The following BLTP1 variants were observed in gnomAD, a reference collection of about 807,000 sequenced individuals.
The protein encoded by BLTP1 is bridge-like lipid transfer protein family member 1, also known as fragile site-associated protein.
chr4:122,362,568 C>T, the BLTP1 span: 5 of 169,706 alleles, frequency 2.9e-5, no homozygotes, highest in South Asian at 1.5e-4. Context: ...TTGGATTGGC[C>T]GTAACTTTTA....
the BLTP1 span, among the ~76,000 whole-genome samples, chr4:122,168,477 G>A: frequency 6.6e-6 from 1 of 152,052 alleles, no homozygotes; most frequent in South Asian, 2.1e-4. Context: ...GTATGAAATT[G>A]ATACATATGT....
chr4:122,320,119 C>T, the BLTP1 span, among the ~76,000 whole-genome samples: 1 of 152,062 alleles, frequency 6.6e-6, no homozygotes, highest in African/African-American at 2.4e-5. Flanking sequence ...TTGCATTTCT[C>T]TTAGTTTGGG....
At chr4:122,242,436 A>G in the BLTP1 span, among the ~76,000 whole-genome samples, 1 of 152,164 alleles carries the variant, frequency 6.6e-6, no homozygotes, top group African/African-American at 2.4e-5. Flanking sequence ...ACAGATGTAG[A>G]GAGTAGAATG....
the BLTP1 span, chr4:122,263,748 G>A: frequency 1.3e-5 from 7 of 546,574 alleles, no homozygotes; most frequent in East Asian, 1.8e-4. Context: ...TGATAATATT[G>A]TAATTGAGAG....
At chr4:122,320,787 AC>A in the BLTP1 span, among the ~76,000 whole-genome samples, 2 of 152,058 alleles carry the variant, frequency 1.3e-5, no homozygotes, top group Non-Finnish European at 2.9e-5. Flanking sequence ...TACACCACTG[AC>A]ATTTAAAGTG....
the BLTP1 span, among the ~76,000 whole-genome samples, chr4:122,164,817 G>T: frequency 6.6e-6 from 1 of 151,344 alleles, no homozygotes; most frequent in Non-Finnish European, 1.5e-5. Flanking sequence ...ACTTTTCCTA[G>T]AAATGTAAAG....
chr4:122,334,421 C>T, the BLTP1 span: 1 of 1,612,930 alleles, frequency 6.2e-7, no homozygotes, highest in Non-Finnish European at 8.5e-7. Context: ...GAACACTGTC[C>T]AAAGAGTCCA....
the BLTP1 span, chr4:122,305,163 G>A: frequency 3.1e-5 from 30 of 976,774 alleles, no homozygotes; most frequent in African/African-American, 2.1e-4. Context: ...AATTGTAGCC[G>A]CATATTGTTA....
At chr4:122,347,767 G>T in the BLTP1 span, 11 of 1,612,910 alleles carry the variant, frequency 6.8e-6, no homozygotes, top group Non-Finnish European at 9.3e-6. Flanking sequence ...TGATTCTTCA[G>T]TTCCTCGAAG....
At chr4:122,280,174 T>C in the BLTP1 span, 1 of 985,270 alleles carries the variant, frequency 1.0e-6, no homozygotes, top group Non-Finnish European at 1.2e-6. Flanking sequence ...AAGTACAGTG[T>C]CGTCAGTGCA....
the BLTP1 span, chr4:122,170,380 G>GTTAGT: frequency 1.0e-6 from 1 of 973,902 alleles, no homozygotes; most frequent in Non-Finnish European, 1.2e-6. Context: ...TTGAACCTTA[G>GTTAGT]TTAGTGCTTA....
the BLTP1 span, among the ~76,000 whole-genome samples, chr4:122,332,352 T>A: frequency 7.2e-5 from 11 of 152,040 alleles, no homozygotes; most frequent in Non-Finnish European, 4.4e-5. Flanking sequence ...TTAGTTTATT[T>A]TTGATTGAAA....
chr4:122,330,461 G>A, the BLTP1 span, among the ~76,000 whole-genome samples: 1 of 151,386 alleles, frequency 6.6e-6, no homozygotes. Context: ...GTTTTGGTTT[G>A]CATTTCCTTG....
chr4:122,224,646 G>A, the BLTP1 span: 1 of 1,614,026 alleles, frequency 6.2e-7, no homozygotes, highest in Non-Finnish European at 8.5e-7. Context: ...GTGCAGGCTG[G>A]AAGTCTTACA....
At chr4:122,298,703 GATGA>G in the BLTP1 span, 5 of 434,740 alleles carry the variant, frequency 1.2e-5, no homozygotes, top group Admixed American at 6.4e-5. Context: ...ATGAATTTTT[GATGA>G]ATGAAGAAGT....
the BLTP1 span, chr4:122,328,295 C>T: frequency 5.0e-6 from 8 of 1,610,396 alleles, no homozygotes; most frequent in Admixed American, 1.7e-5. Flanking sequence ...GTGAAGATTC[C>T]GAGAAGGATG....
chr4:122,209,270 A>T, the BLTP1 span: 1 of 1,613,090 alleles, frequency 6.2e-7, no homozygotes, highest in Non-Finnish European at 8.5e-7. Context: ...TGATACTGGT[A>T]TTCCTGCTGA....
chr4:122,269,708 T>C, the BLTP1 span: 1 of 983,646 alleles, frequency 1.0e-6, no homozygotes, highest in African/African-American at 1.7e-5. Context: ...TATGAATATG[T>C]ATAACTCTCC....
At chr4:122,216,851 A>G in the BLTP1 span, among the ~76,000 whole-genome samples, 7,597 of 152,212 alleles carry the variant, frequency 0.05, 272 homozygotes, top group Non-Finnish European at 0.075. Context: ...GCCAATGTCT[A>G]GAAGAGTCTT....
Sources: allele counts gnomAD v4.1 joint callset (sites outside exome capture counted in the v4.1 genomes callset), GRCh38; gene constraint gnomAD v4.1.1; transcripts MANE v1.5; gene names NCBI Gene and HGNC (gene_info 2026-07-23, HGNC 2026-07-21).